Variants in ZGRF1 observed in about 807,000 individuals in gnomAD.
The protein encoded by ZGRF1 is 5'-3' DNA helicase ZGRF1.
In ZGRF1, 196 loss-of-function variants were observed where a neutral mutation model predicts 203.5. The observed-to-expected ratio is 0.96, with a 90% CI of 0.86 to 1.08. The LOEUF (loss-of-function observed/expected upper bound fraction) is 1.08. Ranked by LOEUF, ZGRF1 falls within the 50% of genes least tolerant of loss-of-function variation. The pLI is 0.00. For missense variants in ZGRF1, 2,326 were observed against 2,416.3 expected (o/e 0.96, Z 0.78); for synonymous variants, 809 against 841.3 (o/e 0.96, Z 0.66).
chr4:112,608,459 A>C (rs951314369), intron 8 of ZGRF1, among the ~76,000 whole-genome samples: 2 of 152,030 alleles, frequency 1.3e-5, no homozygotes, highest in Non-Finnish European at 2.9e-5. Context: ...TCTCTACTAA[A>C]AAAATACAAA....
intron 10 of ZGRF1, among the ~76,000 whole-genome samples, chr4:112,603,237 A>C (rs2149094651): frequency 6.6e-6 from 1 of 152,302 alleles, no homozygotes; most frequent in East Asian, 1.9e-4. Context: ...ATTAGATGTT[A>C]AACAGGTGAG....
intron 6 of ZGRF1, among the ~76,000 whole-genome samples, chr4:112,616,611 C>A (rs1340937369): frequency 1.3e-5 from 2 of 150,752 alleles, no homozygotes; most frequent in Non-Finnish European, 2.9e-5. Context: ...CCGAGGTGGG[C>A]AGATCACGAA....
chr4:112,626,242 A>C (rs1041618063), intron 3 of ZGRF1, among the ~76,000 whole-genome samples: 2 of 152,206 alleles, frequency 1.3e-5, no homozygotes, highest in African/African-American at 4.8e-5. Flanking sequence ...AAAGTGTGTG[A>C]AGTGTGAATT....
At chr4:112,557,594 T>C (rs558246889) in intron 20 of ZGRF1, among the ~76,000 whole-genome samples, 1 of 152,336 alleles carries the variant, frequency 6.6e-6, no homozygotes, top group African/African-American at 2.4e-5. Flanking sequence ...TTTCCCTTGG[T>C]TCCCAAGTCA....
At position 112,589,766 on chromosome 4, in the gene ZGRF1, C is replaced by G. The variant is rs761698316; in HGVS notation, c.3085G>C (p.Ala1029Pro). The change falls in exon 11 of 28, where the codon GCA (alanine) becomes CCA (proline). Residue 1029 changes from alanine to proline, a missense_variant. Transcript: ENST00000505019. ...MVEFSETSLK[A>P]RTLPDDLHFL... Reference sequence around the variant, plus strand: ...TGAAGATCATCAGGTAAAGTTCTTGCTTTCAGGGACGTCTCAGAGAATTCT... The same window carrying G: ...TGAAGATCATCAGGTAAAGTTCTTGGTTTCAGGGACGTCTCAGAGAATTCT... 5 of 1,613,768 alleles carry G rather than the reference C, an allele frequency of 3.1e-6. No homozygotes were observed. Among genetic ancestry groups the G allele is most frequent in the Admixed American group, 1.7e-5 (1 of 59,984 alleles).
At chr4:112,588,608 A>C (rs959652022) in intron 11 of ZGRF1, among the ~76,000 whole-genome samples, 3 of 152,204 alleles carry the variant, frequency 2.0e-5, no homozygotes, top group Non-Finnish European at 4.4e-5. Flanking sequence ...TATTCCTAAA[A>C]ATCTAAGAAG....
chr4:112,553,269 G>C (rs1376185380), intron 22 of ZGRF1, among the ~76,000 whole-genome samples: 2 of 152,256 alleles, frequency 1.3e-5, no homozygotes, highest in East Asian at 3.9e-4. Context: ...CTGATGCCCA[G>C]GCTTCCCTAG....
At chr4:112,565,269 G>A (rs1170345449) in intron 16 of ZGRF1, 1 of 1,576,582 alleles carries the variant, frequency 6.3e-7, no homozygotes, top group African/African-American at 1.3e-5. Flanking sequence ...GTGCTTTGCA[G>A]GAGGCAAGTG....
intron 12 of ZGRF1, among the ~76,000 whole-genome samples, chr4:112,586,992 T>C (rs1301898738): frequency 3.3e-5 from 5 of 152,232 alleles, no homozygotes; most frequent in Admixed American, 2.0e-4. Context: ...AAAACAATAA[T>C]TGTAATGGTA....
intron 19 of ZGRF1, among the ~76,000 whole-genome samples, 168 bp from the exon 20 acceptor site, chr4:112,558,477 C>T (rs1741362718): frequency 6.6e-6 from 1 of 152,188 alleles, no homozygotes; most frequent in African/African-American, 2.4e-5. Context: ...AAGTGATTCT[C>T]CTGTCTCAGC....
At chr4:112,626,790 A>T (rs1459053869) in intron 3 of ZGRF1, among the ~76,000 whole-genome samples, 2 of 151,712 alleles carry the variant, frequency 1.3e-5, no homozygotes, top group African/African-American at 4.8e-5. Flanking sequence ...CTTCAAATTT[A>T]TTTATTTATT....
At chr4:112,595,487 G>A (rs1281130688) in intron 10 of ZGRF1, among the ~76,000 whole-genome samples, 2 of 151,900 alleles carry the variant, frequency 1.3e-5, no homozygotes, top group Non-Finnish European at 2.9e-5. Flanking sequence ...GAAGGCGAAG[G>A]CAAAAGGATC....
Position 112,579,851 on chromosome 4 carries a change from G to A in ZGRF1, c.4438+1812C>T, listed in dbSNP as rs1395123521. Among the ~76,000 whole-genome samples the A allele has an allele frequency of 1.6e-5, 2 of 121,534 alleles. 1 individual carries two copies. Among genetic ancestry groups the A allele is most frequent in the Non-Finnish European group, 3.7e-5 (2 of 54,516 alleles). The allele number at this position is 121,534 out of a possible 152,430, so 79.7% of individuals were successfully genotyped here. On this transcript the variant is annotated intron_variant, in intron 16 of 27. Coordinates refer to ENST00000505019, the MANE Select transcript of ZGRF1 (RefSeq NM_018392.5). ...TTGTGAAAACGGCCATACTGCCCAA[G>A]GTAATTTACAGATTCAATGCCATCC...
intron 19 of ZGRF1, among the ~76,000 whole-genome samples, chr4:112,560,102 G>T: frequency 6.6e-6 from 1 of 152,170 alleles, no homozygotes; most frequent in East Asian, 1.9e-4. Flanking sequence ...CCTCAAAATA[G>T]GACAGAAAAG....
chr4:112,566,963 G>A (rs540001535), intron 16 of ZGRF1, among the ~76,000 whole-genome samples: 2 of 151,950 alleles, frequency 1.3e-5, no homozygotes, highest in East Asian at 3.9e-4. Flanking sequence ...AAAAAAATCA[G>A]GGTAGCAATG....
rs374299040 is a variant in ZGRF1 at position 112,619,335 on chromosome 4, T to C, written c.707A>G (p.Asp236Gly). The C allele has an allele frequency of 1.2e-6, 2 of 1,612,510 alleles. No homozygotes were observed. The highest frequency in any genetic ancestry group is 2.7e-5 in the African/African-American group (2 of 74,858). Residue 236 changes from aspartate to glycine, a missense_variant, in exon 6 of 28, where the codon GAT becomes GGT. Coordinates refer to ENST00000505019, the MANE Select transcript of ZGRF1 (RefSeq NM_018392.5). Reference sequence around the variant, plus strand: ...TCCTGAATAGTGAGATGCCAAACTATCTCTTTTCACAGGCTCATTGGTCAG... The same window carrying C: ...TCCTGAATAGTGAGATGCCAAACTACCTCTTTTCACAGGCTCATTGGTCAG... ...SLLTNEPVKR[D>G]SLASHYSGVS...
intron 10 of ZGRF1, among the ~76,000 whole-genome samples, chr4:112,596,566 A>ATT (rs1029980149): frequency 3.4e-4 from 52 of 152,200 alleles, no homozygotes; most frequent in African/African-American, 1.1e-3. Flanking sequence ...AGGAAAGCAC[A>ATT]TGACAGCGAA....
intron 1 of ZGRF1, among the ~76,000 whole-genome samples, chr4:112,634,442 G>C (rs1421792789): frequency 2.0e-5 from 3 of 152,114 alleles, no homozygotes; most frequent in African/African-American, 7.2e-5. Flanking sequence ...CTGAGGTCAG[G>C]AGTTCGAGAC....
intron 21 of ZGRF1, among the ~76,000 whole-genome samples, chr4:112,554,220 A>C: frequency 3.0e-5 from 3 of 98,402 alleles, no homozygotes; most frequent in African/African-American, 1.2e-4. Context: ...CACCCACAAC[A>C]CGCCCCAGTG....
Sources: gnomAD v4.1 joint callset for allele counts (sites outside exome capture counted in the v4.1 genomes callset) on GRCh38, gnomAD v4.1.1 for gene constraint, MANE v1.5 for transcripts, NCBI Gene and HGNC (gene_info 2026-07-23, HGNC 2026-07-21) for gene names.